Variants in BIVM observed in about 807,000 individuals in gnomAD.
The protein encoded by BIVM is basic immunoglobulin-like variable motif-containing protein.
A neutral mutation model predicts 61.4 loss-of-function variants in BIVM; 31 were observed. The observed-to-expected ratio is 0.51, with a 90% confidence interval of 0.38 to 0.68. The LOEUF is 0.68. Among genes scored for constraint, BIVM ranks in the 30% least tolerant of loss-of-function variants. The pLI is 0.00. For synonymous variants in BIVM, 189 were observed against 210.7 expected (o/e 0.90, Z 0.89); for missense variants, 526 against 596.0 (o/e 0.88, Z 1.22).
At chr13:102,831,067 G>A (rs1881032042) in intron 7 of BIVM, among the ~76,000 whole-genome samples, 2 of 152,176 alleles carry the variant, frequency 1.3e-5, no homozygotes, top group African/African-American at 4.8e-5. Context: ...AAGTTGGGAT[G>A]TGTGTACTGC....
At position 102,816,469 on chromosome 13, in the gene BIVM, A is replaced by G. The variant is rs769756419; in HGVS notation, c.520A>G (p.Lys174Glu). 3 of 1,591,618 alleles carry G rather than the reference A, an allele frequency of 1.9e-6. No homozygotes were observed. The highest frequency in any genetic ancestry group is 1.7e-6 in the Non-Finnish European group (2 of 1,171,856). Reference protein sequence around the residue: ...KQVSKRKTSDKKGRYQKECPQ... With the variant: ...KQVSKRKTSDEKGRYQKECPQ... ...AGTTTCCAAGAGAAAAACTTCAGAT[A>G]AAAAGGGAAGATATCAGAAGGAATG... Residue 174 changes from lysine (K) to glutamate (E), a missense_variant, in exon 4 of 11, where the codon AAA becomes GAA. Physicochemically the swap from Lys to Glu is moderately conservative, Grantham distance 56. Transcript: ENST00000257336.
chr13:102,827,916 T>G (rs1350356102), intron 7 of BIVM, among the ~76,000 whole-genome samples: 1 of 152,184 alleles, frequency 6.6e-6, no homozygotes, highest in Non-Finnish European at 1.5e-5. Flanking sequence ...CTTTCTGATT[T>G]CTCTCTGGGA....
chr13:102,821,322 A>G (rs941830076), intron 5 of BIVM, among the ~76,000 whole-genome samples, 190 bp downstream of exon 5: 5 of 152,218 alleles, frequency 3.3e-5, no homozygotes, highest in African/African-American at 1.2e-4. Context: ...GGCTGGGTAC[A>G]GTGGCCCACA....
chr13:102,821,255 G>A, intron 5 of BIVM, 123 bp downstream of exon 5: 1 of 830,586 alleles, frequency 1.2e-6, no homozygotes, highest in South Asian at 1.9e-5. Flanking sequence ...CTGTATTTTA[G>A]TGTAAGTCTT....
chr13:102,827,537 C>T (rs745454040), intron 7 of BIVM, among the ~76,000 whole-genome samples: 4 of 152,028 alleles, frequency 2.6e-5, no homozygotes, highest in Non-Finnish European at 4.4e-5. Flanking sequence ...GCGTACGCCT[C>T]CTGGAATATT....
chr13:102,832,971 G>A (rs1881194628), intron 8 of BIVM, among the ~76,000 whole-genome samples: 2 of 152,060 alleles, frequency 1.3e-5, no homozygotes, highest in African/African-American at 4.8e-5. Context: ...GAAGTATCTA[G>A]TTAAGAATTG....
Position 102,840,015 on chromosome 13 carries a change from C to A in BIVM, c.*150C>A. The A allele has an allele frequency of 1.3e-6, 1 of 775,490 alleles. No individual in the cohort carries two copies. Among genetic ancestry groups the A allele is most frequent in the Non-Finnish European group, 2.0e-6 (1 of 497,786 alleles). The allele number at this position is 775,490 out of a possible 1,614,324, so 48.0% of individuals were successfully genotyped here. ...ACCTTGTAGTTCTCCAGATACTAAG[C>A]TTGTATATGATTATGGTGGGTGATT... On this transcript the variant is annotated 3_prime_UTR_variant, in exon 11 of 11. Coordinates refer to ENST00000257336, the MANE Select transcript of BIVM (RefSeq NM_017693.4).
chr13:102,806,179 A>G (rs1595331237), intron 2 of BIVM, among the ~76,000 whole-genome samples: 1 of 68,724 alleles, frequency 1.5e-5, no homozygotes, highest in Admixed American at 1.4e-4. Context: ...GTGAGGTGTT[A>G]ATCTCATTGT....
chr13:102,818,324 T>C (rs992346787), intron 4 of BIVM, among the ~76,000 whole-genome samples: 2 of 152,216 alleles, frequency 1.3e-5, no homozygotes, highest in Non-Finnish European at 2.9e-5. Flanking sequence ...GTATAATACA[T>C]GTCATGATCT....
chr13:102,816,779 G>A (rs912037993), intron 4 of BIVM: 1 of 274,228 alleles, frequency 3.6e-6, no homozygotes, highest in African/African-American at 2.2e-5. Flanking sequence ...AGAGTCATCT[G>A]TGTGACTCCA....
intron 10 of BIVM, 112 bp from the exon 11 acceptor site, chr13:102,839,460 C>T (rs1881694128): frequency 2.2e-6 from 3 of 1,379,770 alleles, no homozygotes; most frequent in East Asian, 2.4e-5. Context: ...AAGGAAAGTA[C>T]CATTCTGAGG....
intron 4 of BIVM, among the ~76,000 whole-genome samples, chr13:102,819,888 C>T (rs1467978237): frequency 3.3e-5 from 5 of 152,078 alleles, no homozygotes; most frequent in Non-Finnish European, 7.3e-5. Context: ...AATTTTTAGA[C>T]CACACTAAAG....
intron 3 of BIVM, among the ~76,000 whole-genome samples, chr13:102,813,619 T>C (rs1405392520): frequency 1.3e-5 from 2 of 152,224 alleles, no homozygotes; most frequent in Non-Finnish European, 2.9e-5. Flanking sequence ...TATTTTTCAC[T>C]TTCCTTATAT....
At chr13:102,813,763 C>G (rs1879662044) in intron 3 of BIVM, among the ~76,000 whole-genome samples, 1 of 152,056 alleles carries the variant, frequency 6.6e-6, no homozygotes, top group African/African-American at 2.4e-5. Context: ...ACTGTAAATT[C>G]TGTCTCCTTG....
At chr13:102,835,657 T>C (rs934852207) in intron 9 of BIVM, among the ~76,000 whole-genome samples, 3 of 152,132 alleles carry the variant, frequency 2.0e-5, no homozygotes, top group Admixed American at 6.5e-5. Context: ...CGTAGCCTCC[T>C]GAGTAGTTGG....
At position 102,807,686 on chromosome 13, in the gene BIVM, C is replaced by G. The variant is rs1351628657; in HGVS notation, c.419C>G (p.Ala140Gly). 6.2e-7 allele frequency: 1 copy of G among 1,613,962 alleles called. No homozygotes were observed. The highest frequency in any genetic ancestry group is 1.1e-5 in the South Asian group (1 of 91,068). The change falls in exon 3 of 11, where the codon GCA becomes GGA. Residue 140 changes from alanine to glycine, a missense_variant. By Grantham distance (60) the Ala-to-Gly change is moderately conservative (BLOSUM62 0). This residue lies in a region of BIVM where 312 missense variants were observed against 343.8 expected (regional missense o/e 0.91). Coordinates refer to ENST00000257336, the MANE Select transcript of BIVM (RefSeq NM_017693.4). The surrounding 1 kb of genome is among the most constrained non-coding windows in gnomAD (Gnocchi z 4.0). ...LSNSLGKLPLAWEIDKSEFDG... is the reference protein window; with the variant it reads ...LSNSLGKLPLGWEIDKSEFDG... ...AACAGCCTGGGCAAGCTACCTCTCG[C>G]ATGGGAAATTGATAAATCTGAATTT...
chr13:102,834,397 A>G, intron 8 of BIVM, 69 bp from the exon 9 acceptor site: 1 of 1,420,362 alleles, frequency 7.0e-7, no homozygotes, highest in East Asian at 2.5e-5. Context: ...CCTTTTATTA[A>G]TATATATTTG....
At chr13:102,810,396 G>C (rs1374199071) in intron 3 of BIVM, among the ~76,000 whole-genome samples, 2 of 152,032 alleles carry the variant, frequency 1.3e-5, no homozygotes, top group African/African-American at 4.8e-5. Flanking sequence ...TTCTGTTTTT[G>C]TGTGTGAACC....
At chr13:102,830,695 T>C (rs146575212) in intron 7 of BIVM, among the ~76,000 whole-genome samples, 45 of 152,280 alleles carry the variant, frequency 3.0e-4, no homozygotes, top group African/African-American at 1.1e-3. Context: ...AAAATCTGGG[T>C]TCTTATCACA....
Sources: gnomAD v4.1 joint callset for allele counts (sites outside exome capture counted in the v4.1 genomes callset) on GRCh38, gnomAD v4.1.1 for gene constraint, gnomAD v4.1.1 regional missense constraint, Gnocchi (gnomAD v3.1) non-coding constraint, MANE v1.5 for transcripts, NCBI Gene and HGNC (gene_info 2026-07-23, HGNC 2026-07-21) for gene names.